CACNA2D4: variants seen among roughly 807,000 people sequenced by gnomAD.
The protein encoded by CACNA2D4 is voltage-dependent calcium channel subunit alpha-2/delta-4.
A neutral mutation model predicts 163.8 loss-of-function variants in CACNA2D4; 157 were observed. The ratio of observed to expected loss-of-function variants is 0.96; its 90% CI spans 0.84 to 1.09. The LOEUF (loss-of-function observed/expected upper bound fraction) is 1.09, where lower values mean the gene tolerates loss of function less well. Among genes scored for constraint, CACNA2D4 ranks in the 50% least tolerant of loss-of-function variants. CACNA2D4 has a pLI of 0.00. For synonymous variants in CACNA2D4, 598 were observed against 586.9 expected (o/e 1.02, Z -0.27); for missense variants, 1,410 against 1,479.9 (o/e 0.95, Z 0.78).
chr12:1,863,327 A>G (rs1349548322), intron 18 of CACNA2D4, among the ~76,000 whole-genome samples: 1 of 152,210 alleles, frequency 6.6e-6, no homozygotes, highest in African/African-American at 2.4e-5. Flanking sequence ...TGGTTATTGT[A>G]GCTTTATAGT....
chr12:1,799,088 G>C lies in CACNA2D4; in HGVS notation c.2995+587C>G, dbSNP rs1341723878. Among the ~76,000 whole-genome samples, 1 of 152,234 alleles carries C rather than the reference G, an allele frequency of 6.6e-6. No individual in the cohort carries two copies. Among genetic ancestry groups the C allele is most frequent in the Non-Finnish European group, 1.5e-5 (1 of 68,044 alleles). The stretch of plus-strand genomic sequence containing the variant: ...TAGGAACACGGAGGAACTGAGCAGA[G>C]CCCGCTGAGGCAAGATGGCCTCCTG... On this transcript the variant is annotated intron_variant, in intron 34 of 37. Coordinates refer to ENST00000382722, the MANE Select transcript of CACNA2D4 (RefSeq NM_172364.5). This position sits in a 1 kb window ranked among gnomAD's most constrained non-coding sequence, Gnocchi z 4.7.
At chr12:1,847,916 T>A (rs1865186504) in intron 23 of CACNA2D4, among the ~76,000 whole-genome samples, 1 of 152,190 alleles carries the variant, frequency 6.6e-6, no homozygotes, top group Non-Finnish European at 1.5e-5. Flanking sequence ...ACCTGACAAT[T>A]CATTAATATG....
intron 36 of CACNA2D4, 37 bp downstream of exon 36, chr12:1,795,631 G>T (rs202018678): frequency 3.6e-6 from 5 of 1,407,690 alleles, no homozygotes; most frequent in Non-Finnish European, 5.0e-6. Context: ...TACAGCCCCC[G>T]CCCCCACCGC....
Position 1,886,292 on chromosome 12 carries a change from A to C in CACNA2D4, c.924T>G (p.Thr308=), listed in dbSNP as rs370718644. ...VSGSMKGLRM[T]IAKHTITTIL... ...TGGTGGTGATGGTGTGCTTGGCAAT[A>C]GTCATCCTCAGCCCCTTCATACTGC... Residue 308 remains threonine (T), a synonymous_variant, in exon 8 of 38, where the codon ACT becomes ACG. Coordinates refer to ENST00000382722, the MANE Select transcript of CACNA2D4 (RefSeq NM_172364.5). The C allele has an allele frequency of 6.8e-6, 11 of 1,613,620 alleles. No homozygotes were observed. The highest frequency in any genetic ancestry group is 8.5e-6 in the Non-Finnish European group (10 of 1,179,656).
chr12:1,888,252 C>T (rs1028578716), intron 6 of CACNA2D4, among the ~76,000 whole-genome samples: 1 of 152,172 alleles, frequency 6.6e-6, no homozygotes, highest in Admixed American at 6.5e-5. Context: ...AGATTACTGG[C>T]TCTTAACCAA....
chr12:1,885,668 G>A (rs946094716), intron 9 of CACNA2D4, among the ~76,000 whole-genome samples: 2 of 152,208 alleles, frequency 1.3e-5, no homozygotes, highest in African/African-American at 2.4e-5. Flanking sequence ...AAAGGTCCAG[G>A]TGGGAGGCAA....
At chr12:1,830,123 C>T (rs906178457) in intron 26 of CACNA2D4, among the ~76,000 whole-genome samples, 1 of 152,234 alleles carries the variant, frequency 6.6e-6, no homozygotes, top group Middle Eastern at 3.2e-3. Context: ...CCTGTAGCCC[C>T]TAGGAACAGA....
chr12:1,858,758 C>A (rs548694001), intron 19 of CACNA2D4, 114 bp from the exon 20 acceptor site: 1 of 690,016 alleles, frequency 1.4e-6, no homozygotes, highest in Non-Finnish European at 2.3e-6. Flanking sequence ...GTACCCACGA[C>A]GAGTGGTGTG....
chr12:1,817,941 G>A (rs1426845676), intron 26 of CACNA2D4, among the ~76,000 whole-genome samples: 9 of 151,780 alleles, frequency 5.9e-5, no homozygotes, highest in Non-Finnish European at 1.2e-4. Flanking sequence ...CCGCCTGGCC[G>A]CCCATCGTCT....
rs749530595 is a variant in CACNA2D4, at chr12:1,834,738, G to A, written c.2551+6001C>T. 255 of 1,570,266 alleles carry A rather than the reference G, an allele frequency of 1.6e-4. 1 individual carries two copies. The highest frequency in any genetic ancestry group is 2.0e-4 in the East Asian group (9 of 44,378). On this transcript the variant is annotated intron_variant, in intron 26 of 37. Coordinates refer to ENST00000382722, the MANE Select transcript of CACNA2D4 (RefSeq NM_172364.5). This position sits in a 1 kb window ranked among gnomAD's most constrained non-coding sequence, Gnocchi z 7.6. ...GTGGCCTGAGCGCCCATCCCCACCC[G>A]GCCAGGTAGGAAGGGCGGGGAGAGC...
chr12:1,801,518 G>A lies in CACNA2D4; in HGVS notation c.2792+56C>T, dbSNP rs1054244037. On this transcript the variant is annotated intron_variant, in intron 30 of 37. Coordinates refer to ENST00000382722, the MANE Select transcript of CACNA2D4 (RefSeq NM_172364.5). ...CTGAGATCCGCCAGGACCACTTAGC[G>A]TCAGCTCTCGGTTTGCTGTGTCTAT... The A allele has an allele frequency of 9.6e-6, 13 of 1,356,400 alleles. No homozygotes were observed. The Middle Eastern group carries it at 5.4e-4, about 57-fold the overall frequency. The allele number at this position is 1,356,400 out of a possible 1,614,324, so 84.0% of individuals were successfully genotyped here.
At chr12:1,885,907 G>C (rs539912708) in intron 9 of CACNA2D4, 58 bp downstream of exon 9, 17 of 1,267,402 alleles carry the variant, frequency 1.3e-5, no homozygotes, top group Non-Finnish European at 1.8e-5. Context: ...AGAGACAACC[G>C]CCCACCATCC....
intron 26 of CACNA2D4, among the ~76,000 whole-genome samples, chr12:1,816,424 A>G (rs1863873254): frequency 6.6e-6 from 1 of 152,046 alleles, no homozygotes; most frequent in African/African-American, 2.4e-5. Context: ...GAGGAGGACA[A>G]ATCTCAGACC....
At position 1,834,115 on chromosome 12, in the gene CACNA2D4, G is replaced by A. The variant is rs1457068771; in HGVS notation, c.2551+6624C>T. ...CAATCAATGCTGTTTTCCCTCCTCC[G>A]CTTCCTCTTCTATAGATGGTGATTC... On this transcript the variant is annotated intron_variant, in intron 26 of 37. Coordinates refer to ENST00000382722, the MANE Select transcript of CACNA2D4 (RefSeq NM_172364.5). This position sits in a 1 kb window ranked among gnomAD's most constrained non-coding sequence, Gnocchi z 7.6. 7.9e-6 allele frequency: 7 copies of A among 886,324 alleles called. No homozygotes were observed. Among genetic ancestry groups the A allele is most frequent in the African/African-American group, 1.7e-5 (1 of 59,486 alleles). The allele number at this position is 886,324 out of a possible 1,614,324, so 54.9% of individuals were successfully genotyped here. A position where few individuals can be genotyped will look rare whatever the true frequency, so the allele number is the denominator to read the frequency against.
chr12:1,889,865 A>G (rs1158149647), intron 6 of CACNA2D4, among the ~76,000 whole-genome samples: 1 of 152,226 alleles, frequency 6.6e-6, no homozygotes, highest in Admixed American at 6.5e-5. Context: ...ATGGCTGACT[A>G]GAGGCATCTG....
chr12:1,879,660 T>C (rs1311051371), intron 14 of CACNA2D4, 144 bp downstream of exon 14: 1 of 689,970 alleles, frequency 1.4e-6, no homozygotes, highest in Non-Finnish European at 2.6e-6. Context: ...GGGTAGCTAC[T>C]CTGGGACAGG....
intron 26 of CACNA2D4, among the ~76,000 whole-genome samples, chr12:1,819,035 G>C (rs1272221856): frequency 6.6e-6 from 1 of 150,522 alleles, no homozygotes; most frequent in Non-Finnish European, 1.5e-5. Context: ...AGATGAAGCA[G>C]ACCACAGAAA....
rs146966947 is a variant in CACNA2D4, at chr12:1,828,580, G to T, written c.2551+12159C>A. ...AGCCTCACTGGTGCCTGAGCTTGTC[G>T]GCCTGTGTCACAGACTGCGGCGAGC... is the stretch of plus-strand genomic sequence containing the variant. On this transcript the variant is annotated intron_variant, in intron 26 of 37. Transcript: ENST00000382722. This position sits in a 1 kb window ranked among gnomAD's most constrained non-coding sequence, Gnocchi z 4.2. Among the ~76,000 whole-genome samples, 4 of 152,324 alleles carry T rather than the reference G, an allele frequency of 2.6e-5. No individual in the cohort carries two copies. Among genetic ancestry groups the T allele is most frequent in the African/African-American group, 9.6e-5 (4 of 41,580 alleles).
chr12:1,803,570 C>T (rs1863411646), intron 29 of CACNA2D4, among the ~76,000 whole-genome samples: 1 of 152,154 alleles, frequency 6.6e-6, no homozygotes, highest in African/African-American at 2.4e-5. Flanking sequence ...CGTAAGGATG[C>T]AACCCACTAA....
Sources: allele counts gnomAD v4.1 joint callset (sites outside exome capture counted in the v4.1 genomes callset), GRCh38; gene constraint gnomAD v4.1.1; non-coding constraint Gnocchi (gnomAD v3.1); transcripts MANE v1.5; gene names NCBI Gene and HGNC (gene_info 2026-07-23, HGNC 2026-07-21).